NLRP1: variants seen among roughly 807,000 people sequenced by gnomAD.
NLRP1 encodes the protein NACHT, LRR and PYD domains-containing protein 1.
Under a neutral mutation model 136.7 loss-of-function variants are expected in NLRP1, and 94 were observed. The observed-to-expected ratio is 0.69, with a 90% CI of 0.58 to 0.82. The LOEUF (loss-of-function observed/expected upper bound fraction) is 0.82. Among genes scored for constraint, NLRP1 ranks in the 40% least tolerant of loss-of-function variants. NLRP1 has a pLI of 0.00. For missense variants in NLRP1, 1,575 were observed against 1,802.7 expected (o/e 0.87, Z 2.29); for synonymous variants, 690 against 725.1 (o/e 0.95, Z 0.78).
Position 5,559,245 on chromosome 17 carries a change from G to A in NLRP1, c.1451C>T (p.Ser484Phe), listed in dbSNP as rs1484398935. The change falls in exon 4 of 17, where the codon TCC (serine) becomes TTC (phenylalanine). Residue 484 changes from serine to phenylalanine, a missense_variant. By Grantham distance (155) the Ser-to-Phe change is radical. Transcript: ENST00000572272. ...TCTGTAGAAATATTCCTTCCTGCTG[G>A]ACTCAGAGAACCCCAGGACCTCTAC... ...RWVEVLGFSE[S>F]SRKEYFYRYF... 2.5e-6 allele frequency: 4 copies of A among 1,614,152 alleles called. No individual in the cohort carries two copies. The highest frequency in any genetic ancestry group is 2.5e-6 in the Non-Finnish European group (3 of 1,180,024).
Position 5,529,460 on chromosome 17 carries a change from T to C in NLRP1, c.3520+1021A>G, listed in dbSNP as rs1204485110. ...TTGGCTCACTGCAAGCTCCACCTCCTGGGTTCACGCCATTCTCCTGCCTCA... is the reference window on the plus strand; with the variant it reads ...TTGGCTCACTGCAAGCTCCACCTCCCGGGTTCACGCCATTCTCCTGCCTCA... On this transcript the variant is annotated intron_variant, in intron 12 of 16. Transcript: ENST00000572272. Among the ~76,000 whole-genome samples the C allele has an allele frequency of 3.3e-5, 5 of 151,666 alleles. No individual in the cohort carries two copies. In the East Asian group the frequency reaches 7.7e-4, roughly 23 times the overall value.
intron 12 of NLRP1, among the ~76,000 whole-genome samples, chr17:5,524,263 T>C (rs985583076): frequency 2.0e-5 from 3 of 152,236 alleles, no homozygotes; most frequent in Non-Finnish European, 2.9e-5. Context: ...CTATTTTTAT[T>C]GTAGTCCATG....
At chr17:5,525,140 G>T (rs12949957) in intron 12 of NLRP1, among the ~76,000 whole-genome samples, 11,603 of 152,214 alleles carry the variant, frequency 0.076, 591 homozygotes, top group South Asian at 0.18. Flanking sequence ...GAAAAATTTA[G>T]AAAAAGCTAT....
In NLRP1 at chr17:5,559,104, A is replaced by G; in HGVS notation, c.1592T>C (p.Met531Thr). 1 of 1,614,194 alleles carries G rather than the reference A, an allele frequency of 6.2e-7. No individual in the cohort carries two copies. The highest frequency in any genetic ancestry group is 8.5e-7 in the Non-Finnish European group (1 of 1,180,032). Reference protein sequence around the residue: ...WVSWLACTCLMQQMKRKEKLT... With the variant: ...WVSWLACTCLTQQMKRKEKLT... ...TTTTTCCTTCCGCTTCATCTGCTGCATCAGGCAAGTGCAGGCCAGCCAGGA... is the reference window on the plus strand; with the variant it reads ...TTTTTCCTTCCGCTTCATCTGCTGCGTCAGGCAAGTGCAGGCCAGCCAGGA... Residue 531 changes from methionine (M) to threonine (T), a missense_variant, in exon 4 of 17, where the codon ATG (methionine) becomes ACG (threonine). By Grantham distance (81) the Met-to-Thr change is moderately conservative. Coordinates refer to ENST00000572272, the MANE Select transcript of NLRP1 (RefSeq NM_033004.4).
Position 5,539,433 on chromosome 17 carries a change from C to T in NLRP1, c.2852G>A (p.Cys951Tyr), listed in dbSNP as rs780418911. The T allele has an allele frequency of 6.2e-7, 1 of 1,613,112 alleles. No homozygotes were observed. The highest frequency in any genetic ancestry group is 1.1e-5 in the South Asian group (1 of 90,984). Reference protein sequence around the residue: ...LLCEGLRHPACKLIRLGLDQT... With the variant: ...LLCEGLRHPAYKLIRLGLDQT... ...GCCTTACCCCAGGCGTATGAGTTTG[C>T]AGGCAGGATGCCTGAGCCCCTCACA... The change falls in exon 7 of 17, where the codon TGC becomes TAC. Residue 951 changes from cysteine to tyrosine, a missense_variant. Transcript: ENST00000572272.
At chr17:5,535,630 T>A (rs1037486120) in intron 8 of NLRP1, among the ~76,000 whole-genome samples, 1 of 152,218 alleles carries the variant, frequency 6.6e-6, no homozygotes, top group East Asian at 1.9e-4. Flanking sequence ...TTGGGTTGTG[T>A]CTTTCTTGTT....
chr17:5,569,578 C>T (rs1018534732), intron 3 of NLRP1, among the ~76,000 whole-genome samples: 3 of 152,172 alleles, frequency 2.0e-5, no homozygotes, highest in African/African-American at 7.2e-5. Context: ...ACTTAACTGT[C>T]AGGAATATAT....
chr17:5,512,557 G>A, downstream of NLRP1: 2 of 549,618 alleles, frequency 3.6e-6, no homozygotes, highest in Non-Finnish European at 6.8e-6. Context: ...TGTGGAGAGT[G>A]GAGGTCTGCA....
At position 5,515,041 on chromosome 17, in the gene NLRP1, G is replaced by C; in HGVS notation, c.4135C>G (p.Leu1379Val). 6.2e-7 allele frequency: 1 copy of C among 1,614,160 alleles called. No homozygotes were observed. Among genetic ancestry groups the C allele is most frequent in the Non-Finnish European group, 8.5e-7 (1 of 1,180,046 alleles). Residue 1379 changes from leucine (L) to valine (V), a missense_variant, in exon 17 of 17, where the codon CTG (leucine) becomes GTG (valine). Coordinates refer to ENST00000572272, the MANE Select transcript of NLRP1 (RefSeq NM_033004.4). ...TCTCGATACTGGTCCACAAAGTGCA[G>C]CAACTGCGGGGCATCCAGAGGTGAA... is the stretch of plus-strand genomic sequence containing the variant. ...VPSPLDAPQL[L>V]HFVDQYREQL... is the part of the protein sequence containing the mutation.
chr17:5,564,482 C>T (rs557969639), intron 3 of NLRP1, among the ~76,000 whole-genome samples: 38 of 152,164 alleles, frequency 2.5e-4, no homozygotes, highest in Non-Finnish European at 4.9e-4. Flanking sequence ...GCTTATTTCA[C>T]ATAACGTAAT....
intron 4 of NLRP1, 29 bp downstream of exon 4, chr17:5,558,310 C>A (rs371506526): frequency 6.4e-7 from 1 of 1,565,474 alleles, no homozygotes; most frequent in African/African-American, 1.4e-5. Flanking sequence ...GACAGAGGAG[C>A]TGCAGACATG....
intron 8 of NLRP1, among the ~76,000 whole-genome samples, chr17:5,534,300 C>T (rs1910741718): frequency 6.6e-6 from 1 of 152,138 alleles, no homozygotes; most frequent in South Asian, 2.1e-4. Flanking sequence ...GCCCAGGAGG[C>T]AGAGGTTGCA....
intron 15 of NLRP1, chr17:5,502,257 T>A (rs1907125523): frequency 4.7e-6 from 1 of 213,182 alleles, no homozygotes; most frequent in African/African-American, 2.3e-5. Flanking sequence ...GGAACCCTCA[T>A]CCGTGATGTT....
intron 3 of NLRP1, among the ~76,000 whole-genome samples, chr17:5,565,843 G>C (rs12601393): frequency 6.6e-6 from 1 of 152,052 alleles, no homozygotes; most frequent in Non-Finnish European, 1.5e-5. Context: ...TTTTATTACG[G>C]CTTCCATGTT....
chr17:5,518,559 T>C (rs1222644442), intron 14 of NLRP1: 2 of 148,490 alleles, frequency 1.3e-5, no homozygotes, highest in African/African-American at 2.5e-5. Flanking sequence ...TTTCTCTTTT[T>C]CTTTTTTGTT....
At chr17:5,556,076 G>C (rs1445495421) in intron 4 of NLRP1, among the ~76,000 whole-genome samples, 1 of 150,122 alleles carries the variant, frequency 6.7e-6, no homozygotes, top group East Asian at 2.0e-4. Context: ...CCTGGTGACA[G>C]AGCAAGACTC....
rs994256275 is a variant in NLRP1, at chr17:5,530,778, C to T, written c.3297-74G>A. 1.6e-5 allele frequency: 19 copies of T among 1,180,536 alleles called. 1 individual carries two copies. The South Asian group carries it at 2.0e-4, about 12-fold the overall frequency. 73.1% of individuals were successfully genotyped at this position (1,180,536 alleles called of 1,614,324 possible). A position where few individuals can be genotyped will look rare whatever the true frequency, so the allele number is the denominator to read the frequency against. On this transcript the variant is annotated intron_variant, in intron 11 of 16. Transcript: ENST00000572272. ...CACCTGCTGGATGCCAGACCCCATGCAGGGGCTTGCGGATACGGTACAGTG... is the reference window on the plus strand; with the variant it reads ...CACCTGCTGGATGCCAGACCCCATGTAGGGGCTTGCGGATACGGTACAGTG...
At chr17:5,577,311 G>A (rs1369063220) in intron 3 of NLRP1, among the ~76,000 whole-genome samples, 2 of 152,180 alleles carry the variant, frequency 1.3e-5, no homozygotes, top group African/African-American at 2.4e-5. Flanking sequence ...TAGGAAAAGA[G>A]GAAGTCAAAT....
intron 3 of NLRP1, among the ~76,000 whole-genome samples, chr17:5,577,107 G>A (rs1395720553): frequency 6.6e-6 from 1 of 152,164 alleles, no homozygotes; most frequent in East Asian, 1.9e-4. Flanking sequence ...TTGATGGGAT[G>A]TATCTCAAAA....
Sources: gnomAD v4.1 joint callset for allele counts (sites outside exome capture counted in the v4.1 genomes callset) on GRCh38, gnomAD v4.1.1 for gene constraint, MANE v1.5 for transcripts, NCBI Gene and HGNC (gene_info 2026-07-23, HGNC 2026-07-21) for gene names.